Variants in POFUT2 observed in about 807,000 individuals in gnomAD.
The protein encoded by POFUT2 is protein O-fucosyltransferase 2.
In POFUT2, 30 loss-of-function variants were observed where a neutral mutation model predicts 55.0. That is an observed-to-expected ratio of 0.55 (90% CI 0.41 to 0.74). The LOEUF is 0.74. Ranked by LOEUF, POFUT2 falls within the 30% of genes least tolerant of loss-of-function variation. POFUT2 has a pLI of 0.00. For missense variants in POFUT2, 524 were observed against 562.6 expected (o/e 0.93, Z 0.69); for synonymous variants, 267 against 231.1 (o/e 1.16, Z -1.41).
At chr21:45,279,240 AAATT>A (rs1244369167) in intron 4 of POFUT2, among the ~76,000 whole-genome samples, 2 of 152,016 alleles carry the variant, frequency 1.3e-5, no homozygotes, top group African/African-American at 4.8e-5. Flanking sequence ...AAATACAAAA[AAATT>A]AGCCGGGCGC....
chr21:45,265,721 G>C lies in POFUT2; in HGVS notation c.1137-86C>G. On this transcript the variant is annotated intron_variant, in intron 8 of 8. Coordinates refer to ENST00000349485, the MANE Select transcript of POFUT2 (RefSeq NM_133635.6). The surrounding 1 kb of genome is among the most constrained non-coding windows in gnomAD (Gnocchi z 4.6). ...TCAGGGAGAACTGAGAGGAGCAGCT[G>C]AGTGAAATGAGTTCCACAGTTACAT... is the stretch of plus-strand genomic sequence containing the variant. 1 of 1,520,396 alleles carries C rather than the reference G, an allele frequency of 6.6e-7. No homozygotes were observed. Among genetic ancestry groups the C allele is most frequent in the Non-Finnish European group, 8.8e-7 (1 of 1,139,704 alleles). The allele number at this position is 1,520,396 out of a possible 1,614,324, so 94.2% of individuals were successfully genotyped here. A position where few individuals can be genotyped will look rare whatever the true frequency, so the allele number is the denominator to read the frequency against.
At chr21:45,279,402 A>T (rs942452756) in intron 4 of POFUT2, among the ~76,000 whole-genome samples, 17 of 152,356 alleles carry the variant, frequency 1.1e-4, no homozygotes, top group Admixed American at 2.0e-4. Flanking sequence ...CTCAAAAAAA[A>T]TACAAAAAAC....
chr21:45,285,362 G>A lies in POFUT2; in HGVS notation c.382+316C>T, dbSNP rs1366295296. 5.2e-5 allele frequency: 20 copies of A among 388,272 alleles called. No individual in the cohort carries two copies. The highest frequency in any genetic ancestry group is 2.9e-4 in the South Asian group (13 of 44,546). The allele number at this position is 388,272 out of a possible 1,614,324, so 24.1% of individuals were successfully genotyped here. A position where few individuals can be genotyped will look rare whatever the true frequency, so the allele number is the denominator to read the frequency against. On this transcript the variant is annotated intron_variant, in intron 2 of 8. Coordinates refer to ENST00000349485, the MANE Select transcript of POFUT2 (RefSeq NM_133635.6). This position sits in a 1 kb window ranked among gnomAD's most constrained non-coding sequence, Gnocchi z 4.9. ...AAAACAGCCTTTCGCACAGGGAGCC[G>A]AGTCCTGTCACTATAACACCCAGGG... is the stretch of plus-strand genomic sequence containing the variant.
chr21:45,283,300 G>C, intron 3 of POFUT2, 83 bp downstream of exon 3: 1 of 656,834 alleles, frequency 1.5e-6, no homozygotes, highest in East Asian at 3.9e-5. Context: ...GGCGGGGGGC[G>C]CCTGAGGCGG....
chr21:45,279,180 A>G (rs7509664), intron 4 of POFUT2, among the ~76,000 whole-genome samples: 33,540 of 147,444 alleles, frequency 0.23, 4,084 homozygotes, highest in East Asian at 0.41. Flanking sequence ...TCACGAGGTC[A>G]GGAGATCGAG....
intron 3 of POFUT2, 79 bp downstream of exon 3, chr21:45,283,288 TGGGCGGGGGGCGCCTG>T: frequency 1.0e-5 from 4 of 397,422 alleles, no homozygotes; most frequent in Non-Finnish European, 1.6e-5. Flanking sequence ...TGGGGAGGAG[TGGGCGGGGGGCGCCTG>T]AGGCGGGGGG....
intron 6 of POFUT2, among the ~76,000 whole-genome samples, chr21:45,272,787 TCTG>T (rs2146586158): frequency 6.6e-6 from 1 of 152,254 alleles, no homozygotes; most frequent in African/African-American, 2.4e-5. Context: ...AATTAAATAA[TCTG>T]CTCCTGATCT....
At position 45,264,705 on chromosome 21, in the gene POFUT2, G is replaced by C. The variant is rs1233110061; in HGVS notation, c.*777C>G. The C allele has an allele frequency of 6.6e-6, 1 of 151,476 alleles. No homozygotes were observed. Among genetic ancestry groups the C allele is most frequent in the Non-Finnish European group, 1.5e-5 (1 of 67,876 alleles). The allele number at this position is 151,476 out of a possible 1,614,324, so 9.4% of individuals were successfully genotyped here. ...GGGTGAGGGTGGGGCGGGGCAGTCG[G>C]GGCGAGGGAGGGGTGGCCAGTGGGG... is the stretch of plus-strand genomic sequence containing the variant. On this transcript the variant is annotated 3_prime_UTR_variant, in exon 9 of 9. Coordinates refer to ENST00000349485, the MANE Select transcript of POFUT2 (RefSeq NM_133635.6).
chr21:45,279,631 G>A (rs532360591), intron 4 of POFUT2, among the ~76,000 whole-genome samples: 15 of 152,328 alleles, frequency 9.8e-5, no homozygotes, highest in Admixed American at 7.2e-4. Flanking sequence ...GCCGTGCACG[G>A]CCACTGCGGG....
chr21:45,279,121 G>A (rs1312527420), intron 4 of POFUT2, among the ~76,000 whole-genome samples: 1 of 152,258 alleles, frequency 6.6e-6, no homozygotes, highest in Non-Finnish European at 1.5e-5. Flanking sequence ...GCCAGGCGCA[G>A]TGGCTCACGC....
intron 3 of POFUT2, 92 bp downstream of exon 3, chr21:45,283,291 G>A (rs1202803237): frequency 8.5e-6 from 5 of 590,056 alleles, no homozygotes; most frequent in Admixed American, 5.4e-5. Flanking sequence ...GGAGGAGTGG[G>A]CGGGGGGCGC....
At chr21:45,283,555 G>C in intron 2 of POFUT2, 28 bp from the exon 3 acceptor site, 1 of 1,611,688 alleles carries the variant, frequency 6.2e-7, no homozygotes, top group Non-Finnish European at 8.5e-7. Context: ...AAGCCAGGCA[G>C]TGTGACAGCG....
At chr21:45,266,763 G>T (rs2093158541) in intron 8 of POFUT2, 1 of 997,006 alleles carries the variant, frequency 1.0e-6, no homozygotes, top group South Asian at 4.4e-5. Flanking sequence ...CCGGCTCAGG[G>T]CGCTCAGCAT....
At position 45,285,320 on chromosome 21, in the gene POFUT2, T is replaced by C. The variant is rs1402093119; in HGVS notation, c.382+358A>G. 8.6e-6 allele frequency: 3 copies of C among 348,748 alleles called. No homozygotes were observed. The highest frequency in any genetic ancestry group is 2.1e-5 in the African/African-American group (1 of 47,168). The allele number at this position is 348,748 out of a possible 1,614,324, so 21.6% of individuals were successfully genotyped here. On this transcript the variant is annotated intron_variant, in intron 2 of 8. Coordinates refer to ENST00000349485, the MANE Select transcript of POFUT2 (RefSeq NM_133635.6). This position sits in a 1 kb window ranked among gnomAD's most constrained non-coding sequence, Gnocchi z 4.9. ...ACCACGAAGCATACTCCACACGCAG[T>C]GCGTCTTCCTGAACGTAAAACAGCC... is the stretch of plus-strand genomic sequence containing the variant.
In POFUT2 at chr21:45,285,944, G is replaced by A. The variant is rs1569237885; in HGVS notation, c.132-16C>T. 1.9e-6 allele frequency: 3 copies of A among 1,589,164 alleles called. No individual in the cohort carries two copies. The highest frequency in any genetic ancestry group is 1.1e-5 in the South Asian group (1 of 89,972). On this transcript the variant is annotated splice_polypyrimidine_tract_variant and intron_variant, in intron 1 of 8. Coordinates refer to ENST00000349485, the MANE Select transcript of POFUT2 (RefSeq NM_133635.6). This position sits in a 1 kb window ranked among gnomAD's most constrained non-coding sequence, Gnocchi z 4.9. The stretch of plus-strand genomic sequence containing the variant: ...CAGAAGATACCTGAGCAGGGAGAAG[G>A]AGGACCACAGGTCTCAAATGCTGAG...
In POFUT2 at chr21:45,282,064, G is replaced by A. The variant is rs758888108; in HGVS notation, c.638+285C>T. On this transcript the variant is annotated intron_variant, in intron 4 of 8. Transcript: ENST00000349485. The surrounding 1 kb of genome is among the most constrained non-coding windows in gnomAD (Gnocchi z 4.6). Reference sequence around the variant, plus strand: ...ACAGTCTCATGGTGAGCTCCCCGCCGCCCCCAGCCCAGCTCAGCCCCTCCC... The same window carrying A: ...ACAGTCTCATGGTGAGCTCCCCGCCACCCCCAGCCCAGCTCAGCCCCTCCC... Among the ~76,000 whole-genome samples the A allele has an allele frequency of 5.3e-5, 8 of 152,262 alleles. No individual in the cohort carries two copies. Among genetic ancestry groups the A allele is most frequent in the East Asian group, 3.9e-4 (2 of 5,184 alleles).
In POFUT2 at chr21:45,285,586, C is replaced by T; in HGVS notation, c.382+92G>A. 1 of 1,502,114 alleles carries T rather than the reference C, an allele frequency of 6.7e-7. No individual in the cohort carries two copies. Among genetic ancestry groups the T allele is most frequent in the South Asian group, 1.1e-5 (1 of 87,518 alleles). The allele number at this position is 1,502,114 out of a possible 1,614,324, so 93.0% of individuals were successfully genotyped here. ...TGGAGGATGCTGGTGAGGCTGGATG[C>T]AATCGTAAGCCCAACCTGATGTCTA... is the stretch of plus-strand genomic sequence containing the variant. On this transcript the variant is annotated intron_variant, in intron 2 of 8. Coordinates refer to ENST00000349485, the MANE Select transcript of POFUT2 (RefSeq NM_133635.6). The surrounding 1 kb of genome is among the most constrained non-coding windows in gnomAD (Gnocchi z 4.9).
chr21:45,279,024 G>C (rs1177634609), intron 4 of POFUT2, among the ~76,000 whole-genome samples: 1 of 152,166 alleles, frequency 6.6e-6, no homozygotes, highest in Admixed American at 6.5e-5. Flanking sequence ...AATGGACCGT[G>C]AGCAAATAGA....
rs1463417579 is a variant in POFUT2 at position 45,267,480 on chromosome 21, GA to G, written c.1136+109del. The stretch of plus-strand genomic sequence containing the variant: ...ACGAGGAGGCAAACAGTATGGAAAT[GA>G]CCACTGTGAACACAGGCGACCATCT... On this transcript the variant is annotated intron_variant, in intron 8 of 8. Coordinates refer to ENST00000349485, the MANE Select transcript of POFUT2 (RefSeq NM_133635.6). The surrounding 1 kb of genome is among the most constrained non-coding windows in gnomAD (Gnocchi z 4.4). 5 of 1,614,028 alleles carry G rather than the reference GA, an allele frequency of 3.1e-6. No homozygotes were observed. Among genetic ancestry groups the G allele is most frequent in the Non-Finnish European group, 3.4e-6 (4 of 1,180,048 alleles).
Sources: allele counts gnomAD v4.1 joint callset (sites outside exome capture counted in the v4.1 genomes callset), GRCh38; gene constraint gnomAD v4.1.1; non-coding constraint Gnocchi (gnomAD v3.1); transcripts MANE v1.5; gene names NCBI Gene and HGNC (gene_info 2026-07-23, HGNC 2026-07-21).